PTPRN2: variants seen among roughly 807,000 people sequenced by gnomAD.
The protein encoded by PTPRN2 is protein tyrosine phosphatase receptor type N2.
A neutral mutation model predicts 118.8 loss-of-function variants in PTPRN2; 74 were observed. That is an observed-to-expected ratio of 0.62 (90% CI 0.52 to 0.76). The LOEUF (loss-of-function observed/expected upper bound fraction) is 0.76, where lower values mean the gene tolerates loss of function less well. PTPRN2 is among the 30% of genes least tolerant of loss of function. The pLI is 0.00. For synonymous variants in PTPRN2, 641 were observed against 608.0 expected, an observed-to-expected ratio of 1.05 and a Z score of -0.80; for missense variants, 1,481 against 1,394.4, an observed-to-expected ratio of 1.06 and a Z score of -0.99.
intron 3 of PTPRN2, among the ~76,000 whole-genome samples, chr7:158,290,235 G>C (rs1420762451): frequency 3.9e-5 from 6 of 152,150 alleles, no homozygotes; most frequent in African/African-American, 1.2e-4. Flanking sequence ...TGGACTCTGA[G>C]TTCTGGAGCC....
chr7:157,556,360 A>T (rs550755098), intron 21 of PTPRN2, among the ~76,000 whole-genome samples: 3 of 148,090 alleles, frequency 2.0e-5, no homozygotes, highest in African/African-American at 7.5e-5. Flanking sequence ...GCACATGTGC[A>T]CACACACAGG....
intron 11 of PTPRN2, among the ~76,000 whole-genome samples, chr7:157,954,356 G>A (rs1440171459): frequency 6.6e-6 from 1 of 151,748 alleles, no homozygotes; most frequent in African/African-American, 2.4e-5. Context: ...CGTGTGCTGT[G>A]TGGTGTGTGT....
intron 2 of PTPRN2, among the ~76,000 whole-genome samples, chr7:158,445,951 T>C (rs1235866033): frequency 4.0e-5 from 6 of 151,680 alleles, no homozygotes; most frequent in African/African-American, 9.7e-5. Context: ...GACCACCGCA[T>C]GTGAGAAGCC....
chr7:158,251,771 CAT>C (rs1796696080), intron 3 of PTPRN2, among the ~76,000 whole-genome samples: 1 of 152,034 alleles, frequency 6.6e-6, no homozygotes, highest in Admixed American at 6.6e-5. Flanking sequence ...TGCACGTATG[CAT>C]GTGTGTGTCC....
At chr7:157,909,070 A>C (rs1797933317) in intron 11 of PTPRN2, among the ~76,000 whole-genome samples, 1 of 152,222 alleles carries the variant, frequency 6.6e-6, no homozygotes, top group Admixed American at 6.5e-5. Flanking sequence ...AATAATTTAC[A>C]AAATTATGTA....
chr7:158,097,169 C>A (rs1437830420), intron 10 of PTPRN2, among the ~76,000 whole-genome samples: 1 of 144,214 alleles, frequency 6.9e-6, no homozygotes, highest in Non-Finnish European at 1.5e-5. Flanking sequence ...CTGAAACATA[C>A]TTTCCAGAAG....
At chr7:157,607,257 T>C (rs1802057574) in intron 15 of PTPRN2, among the ~76,000 whole-genome samples, 2 of 152,202 alleles carry the variant, frequency 1.3e-5, no homozygotes, top group South Asian at 4.1e-4. Context: ...GAAACCCAGT[T>C]TCACAGTGGG....
intron 12 of PTPRN2, among the ~76,000 whole-genome samples, chr7:157,891,643 T>C (rs142378280): frequency 1.3e-4 from 20 of 152,172 alleles, no homozygotes; most frequent in African/African-American, 4.8e-4. Context: ...TCATAGACTT[T>C]TAAGGGACTT....
At chr7:158,552,290 C>T (rs947464910) in intron 1 of PTPRN2, among the ~76,000 whole-genome samples, 3 of 146,428 alleles carry the variant, frequency 2.0e-5, no homozygotes, top group Non-Finnish European at 4.5e-5. Context: ...TTTGAGCCCC[C>T]GCCACCGCCT....
intron 3 of PTPRN2, among the ~76,000 whole-genome samples, chr7:158,276,982 G>A (rs760902567): frequency 8.5e-5 from 13 of 152,116 alleles, no homozygotes; most frequent in South Asian, 2.1e-4. Context: ...ACCGGGCTCC[G>A]TCCCCTCTAA....
intron 12 of PTPRN2, among the ~76,000 whole-genome samples, chr7:157,708,446 C>A (rs1296528409): frequency 1.3e-5 from 2 of 152,186 alleles, no homozygotes; most frequent in African/African-American, 4.8e-5. Flanking sequence ...CTGTCCAGAT[C>A]ATCCTAAAGG....
intron 12 of PTPRN2, among the ~76,000 whole-genome samples, chr7:157,815,747 C>T (rs905506232): frequency 6.6e-6 from 1 of 152,166 alleles, no homozygotes; most frequent in African/African-American, 2.4e-5. Context: ...ACAGACCACC[C>T]TTACAGCCTG....
intron 6 of PTPRN2, among the ~76,000 whole-genome samples, chr7:158,149,373 A>G (rs1207866218): frequency 6.6e-6 from 1 of 152,190 alleles, no homozygotes; most frequent in African/African-American, 2.4e-5. Context: ...ACTTAAATCT[A>G]ACCAGTGTCT....
At chr7:158,402,715 C>T (rs75214765) in intron 2 of PTPRN2, among the ~76,000 whole-genome samples, 1 of 152,206 alleles carries the variant, frequency 6.6e-6, no homozygotes, top group Non-Finnish European at 1.5e-5. Context: ...CGTGCCTGCT[C>T]TCCGGACCCT....
chr7:158,288,751 A>G (rs771074878), intron 3 of PTPRN2, among the ~76,000 whole-genome samples: 1 of 152,184 alleles, frequency 6.6e-6, no homozygotes, highest in Non-Finnish European at 1.5e-5. Context: ...TTGACTGTAT[A>G]CTTATTTTTA....
At chr7:158,424,741 T>C (rs1815559681) in intron 2 of PTPRN2, among the ~76,000 whole-genome samples, 1 of 152,184 alleles carries the variant, frequency 6.6e-6, no homozygotes, top group African/African-American at 2.4e-5. Flanking sequence ...CTCGAGAACA[T>C]CTGGGGACCT....
rs531150682 is a variant in PTPRN2, at chr7:158,509,162, C to G, written c.113-19377G>C. On this transcript the variant is annotated intron_variant, in intron 1 of 22. Transcript: ENST00000389418. The surrounding 1 kb of genome is among the most constrained non-coding windows in gnomAD (Gnocchi z 4.4). ...CTGTTGAAGAGAGAGGCGCCACACA[C>G]AGCCTCCACGCAGCCTCCACCCAGC... Among the ~76,000 whole-genome samples, 39 of 152,244 alleles carry G rather than the reference C, an allele frequency of 2.6e-4. No individual in the cohort carries two copies. The highest frequency in any genetic ancestry group is 2.0e-4 in the Admixed American group (3 of 15,302).
intron 3 of PTPRN2, among the ~76,000 whole-genome samples, chr7:158,207,459 T>C (rs1333386351): frequency 1.3e-5 from 2 of 152,030 alleles, no homozygotes; most frequent in Non-Finnish European, 2.9e-5. Context: ...GGGATCTAAT[T>C]AAACTAAAGA....
rs375829199 is a variant in PTPRN2, at chr7:158,155,766, C to T, written c.910+11165G>A. 4.5e-3 allele frequency among the ~76,000 whole-genome samples: 382 copies of T among 85,446 alleles called. 1 individual carries two copies. The highest frequency in any genetic ancestry group is 0.015 in the Middle Eastern group (2 of 136). 56.1% of individuals were successfully genotyped at this position (85,446 alleles called of 152,430 possible). On this transcript the variant is annotated intron_variant, in intron 6 of 22. Transcript: ENST00000389418. ...ATCATCACCATCACCATCATCATCA[C>T]CATCAACACTATCATTACCATCATC...
Sources: allele counts gnomAD v4.1 joint callset (sites outside exome capture counted in the v4.1 genomes callset), GRCh38; gene constraint gnomAD v4.1.1; non-coding constraint Gnocchi (gnomAD v3.1); transcripts MANE v1.5; gene names NCBI Gene and HGNC (gene_info 2026-07-23, HGNC 2026-07-21).